GNAQ: variants seen among roughly 807,000 people sequenced by gnomAD.
GNAQ encodes the protein G protein subunit alpha q.
GNAQ carries 8 observed loss-of-function variants against 43.9 expected under a neutral mutation model. The ratio of observed to expected loss-of-function variants is 0.18; its 90% confidence interval spans 0.11 to 0.33. The LOEUF (loss-of-function observed/expected upper bound fraction) is 0.33, where lower values mean the gene tolerates loss of function less well. GNAQ is among the 10% of genes least tolerant of loss of function. GNAQ has a pLI of 1.00. For missense variants in GNAQ, 158 were observed against 450.8 expected, an observed-to-expected ratio of 0.35 and a Z score of 5.88; for synonymous variants, 155 against 170.7, an observed-to-expected ratio of 0.91 and a Z score of 0.71.
chr9:77,947,334 T>TG (rs796973818), intron 1 of GNAQ, among the ~76,000 whole-genome samples: 4 of 152,328 alleles, frequency 2.6e-5, no homozygotes, highest in African/African-American at 9.6e-5. Flanking sequence ...GCACAGGCTG[T>TG]GGGGAGGGCC....
intron 1 of GNAQ, among the ~76,000 whole-genome samples, chr9:77,999,754 G>A (rs986655672): frequency 2.0e-5 from 3 of 152,144 alleles, no homozygotes; most frequent in African/African-American, 7.2e-5. Context: ...TGTTCTTACT[G>A]AATCTCTAAG....
chr9:77,810,180 CATCT>C (rs758038064), intron 3 of GNAQ, among the ~76,000 whole-genome samples: 19 of 152,088 alleles, frequency 1.2e-4, no homozygotes, highest in Middle Eastern at 3.4e-3. Flanking sequence ...CCTATCTATC[CATCT>C]ATCTTATCTA....
chr9:77,868,297 T>C (rs951008427), intron 2 of GNAQ, among the ~76,000 whole-genome samples: 1 of 152,226 alleles, frequency 6.6e-6, no homozygotes, highest in Non-Finnish European at 1.5e-5. Context: ...ATTTTGTACA[T>C]GTGCAATAAT....
intron 2 of GNAQ, among the ~76,000 whole-genome samples, chr9:77,841,881 T>G (rs952715515): frequency 6.6e-6 from 1 of 152,208 alleles, no homozygotes. Context: ...GGTAAAACGC[T>G]TCTATTCTGT....
intron 1 of GNAQ, among the ~76,000 whole-genome samples, chr9:77,979,630 G>T (rs74466536): frequency 2.6e-4 from 40 of 152,122 alleles, no homozygotes; most frequent in Admixed American, 2.0e-3. Context: ...CATGCCCAAG[G>T]GGGGGGAGAC....
intron 1 of GNAQ, among the ~76,000 whole-genome samples, chr9:77,979,443 T>A (rs2118489387): frequency 6.6e-6 from 1 of 152,244 alleles, no homozygotes; most frequent in South Asian, 2.1e-4. Flanking sequence ...CCAATATTTG[T>A]GTCCATGTTG....
intron 5 of GNAQ, among the ~76,000 whole-genome samples, chr9:77,742,919 C>T (rs180885633): frequency 4.7e-4 from 71 of 152,272 alleles, no homozygotes; most frequent in Admixed American, 1.4e-3. Context: ...AGAGTTGTCC[C>T]ACAGTCACCA....
At chr9:77,787,541 T>C (rs1016834523) in intron 5 of GNAQ, among the ~76,000 whole-genome samples, 2 of 152,206 alleles carry the variant, frequency 1.3e-5, no homozygotes, top group Non-Finnish European at 2.9e-5. Flanking sequence ...CAAGGAAATA[T>C]TAAATCCTTA....
At chr9:77,951,344 C>T (rs1393312925) in intron 1 of GNAQ, among the ~76,000 whole-genome samples, 4 of 151,982 alleles carry the variant, frequency 2.6e-5, no homozygotes, top group South Asian at 2.1e-4. Flanking sequence ...GTGATCTGCC[C>T]GCCTTGGCCT....
chr9:77,992,891 G>A (rs937568820), intron 1 of GNAQ, among the ~76,000 whole-genome samples: 2 of 152,102 alleles, frequency 1.3e-5, no homozygotes, highest in African/African-American at 4.8e-5. Flanking sequence ...GTTGCAGCGA[G>A]CCGAGATCAA....
chr9:77,984,633 C>T (rs1419250442), intron 1 of GNAQ, among the ~76,000 whole-genome samples: 3 of 152,134 alleles, frequency 2.0e-5, no homozygotes, highest in African/African-American at 7.2e-5. Context: ...CTTTTTAAAA[C>T]ATTCTCTTTT....
At chr9:77,832,108 C>G (rs1250107626) in intron 2 of GNAQ, among the ~76,000 whole-genome samples, 1 of 144,084 alleles carries the variant, frequency 6.9e-6, no homozygotes, top group South Asian at 2.2e-4. Context: ...TTTGGCTTTT[C>G]CAACACTTTT....
chr9:77,828,646 T>G (rs1827245869), intron 2 of GNAQ, among the ~76,000 whole-genome samples: 1 of 152,248 alleles, frequency 6.6e-6, no homozygotes. Flanking sequence ...ACAATTTTCA[T>G]GTTAGATCAA....
chr9:77,990,502 C>T (rs1403060779), intron 1 of GNAQ, among the ~76,000 whole-genome samples: 2 of 152,172 alleles, frequency 1.3e-5, no homozygotes, highest in African/African-American at 2.4e-5. Flanking sequence ...GGATTACAGG[C>T]ATGAGCCACA....
chr9:78,026,457 A>G (rs1030239871), intron 1 of GNAQ, among the ~76,000 whole-genome samples: 2 of 152,258 alleles, frequency 1.3e-5, no homozygotes, highest in East Asian at 3.8e-4. Context: ...AAATCCTGAC[A>G]TTCAGAAACA....
chr9:78,030,227 T>C (rs1453214039), intron 1 of GNAQ, among the ~76,000 whole-genome samples: 1 of 152,202 alleles, frequency 6.6e-6, no homozygotes, highest in Non-Finnish European at 1.5e-5. Flanking sequence ...GTAGTAACTA[T>C]TGTGAACTGA....
intron 2 of GNAQ, among the ~76,000 whole-genome samples, chr9:77,908,113 G>T (rs1362764439): frequency 6.6e-6 from 1 of 152,060 alleles, no homozygotes; most frequent in South Asian, 2.1e-4. Flanking sequence ...AATGAAAAAG[G>T]CCCAGAAGTG....
chr9:77,996,732 A>G (rs1226619349), intron 1 of GNAQ, among the ~76,000 whole-genome samples: 2 of 152,108 alleles, frequency 1.3e-5, no homozygotes, highest in Admixed American at 6.6e-5. Context: ...TGCAATAGTC[A>G]GATAAATTAA....
At chr9:77,791,008 T>A (rs924053253) in intron 5 of GNAQ, among the ~76,000 whole-genome samples, 1 of 152,222 alleles carries the variant, frequency 6.6e-6, no homozygotes, top group African/African-American at 2.4e-5. Flanking sequence ...GATGAATACA[T>A]GTTTATGGAA....
Sources: gnomAD v4.1 joint callset for allele counts (sites outside exome capture counted in the v4.1 genomes callset) on GRCh38, gnomAD v4.1.1 for gene constraint, MANE v1.5 for transcripts, NCBI Gene and HGNC (gene_info 2026-07-23, HGNC 2026-07-21) for gene names.